The following GIGYF2 variants were observed in gnomAD, a reference collection of about 807,000 sequenced individuals.
The protein encoded by GIGYF2 is GRB10 interacting GYF protein 2, also known as GRB10-interacting GYF protein 2.
Under a neutral mutation model 208.1 loss-of-function variants are expected in GIGYF2, and 25 were observed. That is an observed-to-expected ratio of 0.12 (90% CI 0.09 to 0.17). GIGYF2 has a LOEUF of 0.17. Among genes scored for constraint, GIGYF2 ranks in the 10% least tolerant of loss-of-function variants. GIGYF2 has a pLI of 1.00. For missense variants in GIGYF2, 1,302 were observed against 1,579.4 expected (o/e 0.82, Z 2.98); for synonymous variants, 534 against 543.8 (o/e 0.98, Z 0.25).
In GIGYF2 at chr2:232,847,438, C is replaced by T. The variant is rs1264627729; in HGVS notation, c.3551C>T (p.Ala1184Val). 1 of 1,613,764 alleles carries T rather than the reference C, an allele frequency of 6.2e-7. No individual in the cohort carries two copies. Among genetic ancestry groups the T allele is most frequent in the African/African-American group, 1.3e-5 (1 of 74,854 alleles). The change falls in exon 27 of 29, where the codon GCC (alanine) becomes GTC (valine). Residue 1184 changes from alanine (A) to valine (V), a missense_variant. Physicochemically the swap from Ala to Val is moderately conservative, Grantham distance 64. This residue lies in a region of GIGYF2 where 701 missense variants were observed against 793.0 expected (regional missense o/e 0.88). Coordinates refer to ENST00000373563, the MANE Select transcript of GIGYF2 (RefSeq NM_001103146.3). The part of the protein sequence containing the change: ...IRAYLGDTSE[A>V]KEFAKQFLER... ...GCCTATTTAGGAGATACTTCTGAGG[C>T]CAAGGAGTTTGCCAAGCAGTTCCTT...
intron 2 of GIGYF2, among the ~76,000 whole-genome samples, chr2:232,707,152 A>G (rs1416227381): frequency 6.6e-6 from 1 of 152,144 alleles, no homozygotes; most frequent in Non-Finnish European, 1.5e-5. Flanking sequence ...TTGTTCAGAA[A>G]CAGTAGGAAG....
intron 2 of GIGYF2, 21 bp downstream of exon 2, chr2:232,703,510 C>CAAAGCCT (rs1278247857): frequency 6.6e-6 from 1 of 152,648 alleles, no homozygotes; most frequent in Non-Finnish European, 1.5e-5. Flanking sequence ...AAGGGAAGCA[C>CAAAGCCT]AAAGCCTGAG....
chr2:232,791,144 G>C lies in GIGYF2; in HGVS notation c.1067G>C (p.Gly356Ala), dbSNP rs777216642. 9.9e-6 allele frequency: 16 copies of C among 1,614,038 alleles called. No homozygotes were observed. The highest frequency in any genetic ancestry group is 1.4e-5 in the Non-Finnish European group (16 of 1,179,972). ...KEPDKTNKKEGEKTDRVGVEA... is the reference protein window; with the variant it reads ...KEPDKTNKKEAEKTDRVGVEA... ...CCCGATAAGACAAATAAGAAAGAAG[G>C]AGAGAAAACAGATAGAGTAGGAGTT... Residue 356 changes from glycine (G) to alanine (A), a missense_variant, in exon 11 of 29, where the codon GGA becomes GCA. Gly to Ala is a moderately conservative substitution (Grantham distance 60, BLOSUM62 0). Transcript: ENST00000373563.
intron 8 of GIGYF2, among the ~76,000 whole-genome samples, chr2:232,785,238 T>A (rs1559430348): frequency 6.6e-6 from 1 of 152,152 alleles, no homozygotes; most frequent in Non-Finnish European, 1.5e-5. Context: ...ATAAAACCCT[T>A]GCTTGGTGGT....
At chr2:232,801,909 C>A (rs1700410679) in intron 14 of GIGYF2, among the ~76,000 whole-genome samples, 1 of 152,190 alleles carries the variant, frequency 6.6e-6, no homozygotes, top group Non-Finnish European at 1.5e-5. Context: ...AGTCCATGAA[C>A]ATGGATGTGT....
chr2:232,735,430 AT>A (rs1334600326), intron 3 of GIGYF2, 192 bp downstream of exon 3: 11 of 489,606 alleles, frequency 2.2e-5, no homozygotes, highest in South Asian at 4.0e-5. Flanking sequence ...CTTAATTAAA[AT>A]TTTTTTTCTT....
chr2:232,785,963 T>C (rs1364766415), intron 8 of GIGYF2, among the ~76,000 whole-genome samples: 1 of 152,250 alleles, frequency 6.6e-6, no homozygotes, highest in African/African-American at 2.4e-5. Context: ...TATTCTGGAT[T>C]TTCAACTATT....
rs780468273 is a variant in GIGYF2, at chr2:232,747,682, A to G, written c.109A>G (p.Lys37Glu). ...TCTTTCTCCAGCATTGCCGAAGTAT[A>G]AATTAGCAGATTATCGTTACGGCAG... ...PPLSPALPKY[K>E]LADYRYGREE... The change falls in exon 4 of 29, where the codon AAA (lysine) becomes GAA (glutamate). Residue 37 changes from lysine to glutamate, a missense_variant. Lys to Glu is a moderately conservative substitution (Grantham distance 56, BLOSUM62 1). This residue lies in a region of GIGYF2 where 27 missense variants were observed against 59.5 expected (regional missense o/e 0.45). Coordinates refer to ENST00000373563, the MANE Select transcript of GIGYF2 (RefSeq NM_001103146.3). The G allele has an allele frequency of 6.2e-7, 1 of 1,613,750 alleles. No homozygotes were observed. Among genetic ancestry groups the G allele is most frequent in the Non-Finnish European group, 8.5e-7 (1 of 1,179,680 alleles).
At chr2:232,709,757 C>T (rs1463530920) in intron 2 of GIGYF2, among the ~76,000 whole-genome samples, 13 of 151,412 alleles carry the variant, frequency 8.6e-5, no homozygotes, top group South Asian at 2.1e-4. Context: ...TTCAGTGAGC[C>T]GAGATTGCAC....
At chr2:232,810,920 G>C in intron 16 of GIGYF2, 1 of 268,574 alleles carries the variant, frequency 3.7e-6, no homozygotes, top group Non-Finnish European at 7.2e-6. Flanking sequence ...CTGATAAAAG[G>C]TTATCTTTGG....
chr2:232,721,966 T>C (rs1187364320), intron 2 of GIGYF2, among the ~76,000 whole-genome samples: 1 of 152,242 alleles, frequency 6.6e-6, no homozygotes, highest in African/African-American at 2.4e-5. Flanking sequence ...ATCTTAAATT[T>C]GTCAACTCTC....
At chr2:232,789,356 G>A (rs951629285) in intron 9 of GIGYF2, among the ~76,000 whole-genome samples, 1 of 152,188 alleles carries the variant, frequency 6.6e-6, no homozygotes, top group Non-Finnish European at 1.5e-5. Context: ...TACCTAGAAG[G>A]ATAGATTCCT....
At chr2:232,769,220 G>A (rs1699114414) in intron 8 of GIGYF2, among the ~76,000 whole-genome samples, 1 of 152,118 alleles carries the variant, frequency 6.6e-6, no homozygotes, top group African/African-American at 2.4e-5. Flanking sequence ...TTGGGATGGG[G>A]AGGGGACCAA....
At chr2:232,836,291 T>A (rs1416124599) in intron 22 of GIGYF2, among the ~76,000 whole-genome samples, 2 of 9,684 alleles carry the variant, frequency 2.1e-4, no homozygotes, top group Admixed American at 2.6e-3. Flanking sequence ...TATATATATA[T>A]ATATATATAT....
At chr2:232,841,416 C>T (rs1476317224) in intron 23 of GIGYF2, among the ~76,000 whole-genome samples, 2 of 151,840 alleles carry the variant, frequency 1.3e-5, no homozygotes, top group African/African-American at 4.8e-5. Flanking sequence ...CTGCCTCAGC[C>T]TCCCGAGTAG....
At chr2:232,707,729 CT>C (rs1245288619) in intron 2 of GIGYF2, among the ~76,000 whole-genome samples, 1 of 151,750 alleles carries the variant, frequency 6.6e-6, no homozygotes, top group African/African-American at 2.4e-5. Flanking sequence ...CCTCCACCCC[CT>C]GGGTTCAAGC....
chr2:232,708,787 A>T (rs1245267898), intron 2 of GIGYF2, among the ~76,000 whole-genome samples: 1 of 151,516 alleles, frequency 6.6e-6, no homozygotes, highest in Non-Finnish European at 1.5e-5. Flanking sequence ...ATTGCACTCC[A>T]GCCTGGGTGA....
chr2:232,835,849 G>T (rs1253811697), intron 22 of GIGYF2, among the ~76,000 whole-genome samples: 2 of 152,082 alleles, frequency 1.3e-5, no homozygotes, highest in Non-Finnish European at 2.9e-5. Flanking sequence ...TGATTGCTCT[G>T]TTGTTCTTAA....
rs570105410 is a variant in GIGYF2, at chr2:232,842,644, A to C, written c.2890-1402A>C. Among the ~76,000 whole-genome samples the C allele has an allele frequency of 9.8e-5, 15 of 152,332 alleles. No individual in the cohort carries two copies. The South Asian group carries it at 1.7e-3, about 17-fold the overall frequency. On this transcript the variant is annotated intron_variant, in intron 23 of 28. Transcript: ENST00000373563. ...CCTATTTACAAATAAGGCACTCAGA[A>C]GCTGATTGGAGGTTCTGGTATGTAC...
Sources: gnomAD v4.1 joint callset for allele counts (sites outside exome capture counted in the v4.1 genomes callset) on GRCh38, gnomAD v4.1.1 for gene constraint, gnomAD v4.1.1 regional missense constraint, MANE v1.5 for transcripts, NCBI Gene and HGNC (gene_info 2026-07-23, HGNC 2026-07-21) for gene names.